HLCS: variants seen among roughly 807,000 people sequenced by gnomAD.
HLCS encodes biotin--protein ligase.
Under a neutral mutation model 75.0 loss-of-function variants are expected in HLCS, and 53 were observed. The observed-to-expected ratio is 0.71, with a 90% CI of 0.57 to 0.89. The LOEUF is 0.89. HLCS is among the 40% of genes least tolerant of loss of function. The pLI is 0.00. For synonymous variants in HLCS, 431 were observed against 428.6 expected (o/e 1.01, Z -0.07); for missense variants, 966 against 1,074.0 (o/e 0.90, Z 1.41).
chr21:36,986,613 T>C (rs1601949233), intron 1 of HLCS: 1 of 152,348 alleles, frequency 6.6e-6, no homozygotes, highest in East Asian at 1.9e-4. Context: ...AGACAGGGTT[T>C]CTCCATGTTG....
intron 1 of HLCS, among the ~76,000 whole-genome samples, chr21:36,973,284 A>C (rs1488187874): frequency 2.0e-5 from 3 of 148,770 alleles, no homozygotes; most frequent in Non-Finnish European, 4.4e-5. Context: ...GGTATTTGTA[A>C]CACACATAAC....
chr21:36,968,051 G>A (rs781708239), upstream of HLCS, among the ~76,000 whole-genome samples: 18 of 147,622 alleles, frequency 1.2e-4, no homozygotes, highest in Admixed American at 6.7e-4. Flanking sequence ...ACAAGGTTTC[G>A]TTCTGTCGCC....
At chr21:36,835,084 G>A (rs62223785) in intron 6 of HLCS, among the ~76,000 whole-genome samples, 41,143 of 151,956 alleles carry the variant, frequency 0.27, 5,779 homozygotes, top group Middle Eastern at 0.35. Context: ...TGTCCTGGCC[G>A]GACAAAAGCC....
intron 6 of HLCS, among the ~76,000 whole-genome samples, chr21:36,858,740 C>A (rs1311052352): frequency 6.6e-6 from 1 of 152,238 alleles, no homozygotes; most frequent in Admixed American, 6.5e-5. Context: ...ATGAGGACCT[C>A]TGGGCATCTG....
chr21:36,840,775 G>T (rs1454507601), intron 6 of HLCS, among the ~76,000 whole-genome samples: 1 of 152,020 alleles, frequency 6.6e-6, no homozygotes, highest in African/African-American at 2.4e-5. Flanking sequence ...ACCACGCCTG[G>T]CTAATTTTTA....
chr21:36,814,644 T>C (rs1444343224), intron 6 of HLCS, among the ~76,000 whole-genome samples: 1 of 152,066 alleles, frequency 6.6e-6, no homozygotes, highest in African/African-American at 2.4e-5. Context: ...AAAGGGAAAA[T>C]GTAAAGAGAA....
chr21:36,966,847 G>A (rs1045317760), upstream of HLCS, among the ~76,000 whole-genome samples: 4 of 148,822 alleles, frequency 2.7e-5, no homozygotes, highest in East Asian at 2.0e-4. Context: ...GCGCCCGGCT[G>A]TGTGATGGGG....
intron 4 of HLCS, among the ~76,000 whole-genome samples, chr21:36,935,629 C>G (rs2066845411): frequency 6.6e-6 from 1 of 152,142 alleles, no homozygotes; most frequent in African/African-American, 2.4e-5. Context: ...AGCATCAAAT[C>G]CTTTAGGGCA....
chr21:36,774,753 G>A (rs1487650420), intron 6 of HLCS, among the ~76,000 whole-genome samples: 2 of 152,172 alleles, frequency 1.3e-5, no homozygotes, highest in Non-Finnish European at 2.9e-5. Context: ...AATGGGGGAT[G>A]CAGAATCTTC....
intron 6 of HLCS, among the ~76,000 whole-genome samples, chr21:36,823,610 G>GGTGCGTGTGTGTGT (rs1555901721): frequency 3.6e-4 from 48 of 132,726 alleles, no homozygotes; most frequent in Non-Finnish European, 6.8e-4. Context: ...AAACGTGCAG[G>GGTGCGTGTGTGTGT]GTGTGTGTGT....
In HLCS at chr21:36,779,129, C is replaced by T. The variant is rs1030294149; in HGVS notation, c.1893-11844G>A. On this transcript the variant is annotated intron_variant, in intron 6 of 10. Coordinates refer to ENST00000674895, the MANE Select transcript of HLCS (RefSeq NM_001352514.2). The stretch of plus-strand genomic sequence containing the variant: ...ACTGCCTCCCAAGTCCCACAGTGAG[C>T]TCTGTGGAACCTGAGTACACAAAAA... Among the ~76,000 whole-genome samples, 6 of 139,986 alleles carry T rather than the reference C, an allele frequency of 4.3e-5. No individual in the cohort carries two copies. In the South Asian group the frequency reaches 7.6e-4, roughly 18 times the overall value. The allele number at this position is 139,986 out of a possible 152,430, so 91.8% of individuals were successfully genotyped here. A position where few individuals can be genotyped will look rare whatever the true frequency, so the allele number is the denominator to read the frequency against.
chr21:36,756,344 G>C (rs1287827405), intron 10 of HLCS, among the ~76,000 whole-genome samples, 198 bp downstream of exon 10: 1 of 150,492 alleles, frequency 6.6e-6, no homozygotes, highest in Non-Finnish European at 1.5e-5. Context: ...TGACTGAGAC[G>C]AGAGACTGAG....
intron 6 of HLCS, among the ~76,000 whole-genome samples, chr21:36,791,134 C>G (rs949378990): frequency 6.6e-6 from 1 of 152,124 alleles, no homozygotes; most frequent in African/African-American, 2.4e-5. Context: ...AAAATAAAAC[C>G]TGCTCACCGT....
chr21:36,892,524 G>T (rs2835525), intron 6 of HLCS, among the ~76,000 whole-genome samples: 1 of 152,016 alleles, frequency 6.6e-6, no homozygotes. Flanking sequence ...AAGAGAAAAC[G>T]GCACATCATC....
In HLCS at chr21:36,854,570, G is replaced by A. The variant is rs867158968; in HGVS notation, c.1892+42290C>T. On this transcript the variant is annotated intron_variant, in intron 6 of 10. Transcript: ENST00000674895. ...AATAATTTGAGCAGTTCAAGGTGGG[G>A]AAAAGCTTAAGTACTGAGTGCACTG... Among the ~76,000 whole-genome samples, 12 of 152,278 alleles carry A rather than the reference G, an allele frequency of 7.9e-5. No homozygotes were observed. In the Middle Eastern group the frequency reaches 0.01, roughly 129 times the overall value.
chr21:36,832,141 G>T (rs143762795), intron 6 of HLCS, among the ~76,000 whole-genome samples: 53 of 152,312 alleles, frequency 3.5e-4, no homozygotes, highest in African/African-American at 1.1e-3. Flanking sequence ...CGGGTGGGTT[G>T]CGGCTAGATA....
intron 6 of HLCS, among the ~76,000 whole-genome samples, chr21:36,827,218 G>A (rs1403711044): frequency 6.6e-6 from 1 of 152,114 alleles, no homozygotes; most frequent in Admixed American, 6.6e-5. Flanking sequence ...TAAAGAAAAG[G>A]ACTGAAGGCC....
At chr21:36,903,482 C>T in intron 5 of HLCS, among the ~76,000 whole-genome samples, 1 of 152,164 alleles carries the variant, frequency 6.6e-6, no homozygotes, top group East Asian at 1.9e-4. Context: ...TAGGTTAAAT[C>T]ACAAAAACAG....
chr21:36,947,952 G>A, intron 2 of HLCS: 4 of 985,346 alleles, frequency 4.1e-6, no homozygotes, highest in Non-Finnish European at 4.8e-6. Context: ...AAAAGCTCTA[G>A]TAACAAATTG....
Sources: allele counts gnomAD v4.1 joint callset (sites outside exome capture counted in the v4.1 genomes callset), GRCh38; gene constraint gnomAD v4.1.1; transcripts MANE v1.5; gene names NCBI Gene and HGNC (gene_info 2026-07-23, HGNC 2026-07-21).